ZNF345: variants seen among roughly 807,000 people sequenced by gnomAD.
The protein encoded by ZNF345 is zinc finger protein 345.
For synonymous variants in ZNF345, 166 were observed against 187.9 expected (o/e 0.88, Z 0.95); for missense variants, 527 against 589.9 (o/e 0.89, Z 1.10).
At chr19:36,853,454 G>A (rs2072334757) in intron 2 of ZNF345, among the ~76,000 whole-genome samples, 1 of 151,922 alleles carries the variant, frequency 6.6e-6, no homozygotes, top group Non-Finnish European at 1.5e-5. Flanking sequence ...CTCCATGTTG[G>A]TCAGGCTGGC....
intron 2 of ZNF345, among the ~76,000 whole-genome samples, chr19:36,855,300 G>A (rs1415628769): frequency 4.6e-5 from 7 of 151,324 alleles, no homozygotes; most frequent in Non-Finnish European, 4.4e-5. Flanking sequence ...CCGCCACCAC[G>A]CCCAGCTAAT....
chr19:36,891,821 A>G, intron 3 of ZNF345: 1 of 1,614,134 alleles, frequency 6.2e-7, no homozygotes, highest in Non-Finnish European at 8.5e-7. Flanking sequence ...TTACATTCAT[A>G]AGGTTTCTCA....
At chr19:36,863,064 T>C (rs1264290874) in intron 2 of ZNF345, 3 of 152,230 alleles carry the variant, frequency 2.0e-5, no homozygotes, top group African/African-American at 7.2e-5. Context: ...CTTGGACTGA[T>C]GTCCATAACT....
At chr19:36,875,361 A>C (rs1044674798) in intron 2 of ZNF345, among the ~76,000 whole-genome samples, 1 of 152,186 alleles carries the variant, frequency 6.6e-6, no homozygotes, top group Admixed American at 6.5e-5. Flanking sequence ...TGCAAGGCCA[A>C]GAGTAGGGGC....
chr19:36,869,918 C>T (rs965021155), intron 2 of ZNF345, among the ~76,000 whole-genome samples: 9 of 152,054 alleles, frequency 5.9e-5, no homozygotes, highest in South Asian at 2.1e-4. Context: ...CATGCCACCA[C>T]GCCTGGTGTG....
chr19:36,892,691 A>G, intron 3 of ZNF345: 1 of 616,346 alleles, frequency 1.6e-6, no homozygotes, highest in Non-Finnish European at 2.7e-6. Flanking sequence ...GACCTCTATG[A>G]TCCTCAAATT....
chr19:36,892,527 C>A, intron 3 of ZNF345: 3 of 1,477,802 alleles, frequency 2.0e-6, no homozygotes, highest in Non-Finnish European at 2.7e-6. Context: ...GTTAAAACTT[C>A]TAAAAAAGAA....
chr19:36,865,773 G>A (rs1426132072), intron 2 of ZNF345, among the ~76,000 whole-genome samples: 1 of 152,144 alleles, frequency 6.6e-6, no homozygotes, highest in Non-Finnish European at 1.5e-5. Context: ...TTACGGACAT[G>A]CACATATTTG....
Position 36,878,697 on chromosome 19 carries a change from CT to C in ZNF345, c.*407del, listed in dbSNP as rs1301708678. ...TATTTATTGCAAGTCTAAATTTATC[CT>C]TTTTTTCTTTCCTGATTATCCTAAC... On this transcript the variant is annotated 3_prime_UTR_variant, in exon 3 of 3. Coordinates refer to ENST00000420450, the MANE Select transcript of ZNF345 (RefSeq NM_001242472.2). 1.2e-5 allele frequency: 2 copies of C among 169,880 alleles called. No individual in the cohort carries two copies. Among genetic ancestry groups the C allele is most frequent in the Admixed American group, 6.5e-5 (1 of 15,468 alleles). The allele number at this position is 169,880 out of a possible 1,614,324, so 10.5% of individuals were successfully genotyped here. A position where few individuals can be genotyped will look rare whatever the true frequency, so the allele number is the denominator to read the frequency against.
rs1205731419 is a variant in ZNF345, at chr19:36,877,172, T to C, written c.342T>C (p.Gly114=). The C allele has an allele frequency of 2.5e-6, 4 of 1,613,974 alleles. No individual in the cohort carries two copies. The African/African-American group carries it at 5.3e-5, about 22-fold the overall frequency. ...CTTACCATCAAAGAATTCATACTGG[T>C]GAGAAGCCTTTTGAATGTAAAGAAT... is the stretch of plus-strand genomic sequence containing the variant. ...NLAYHQRIHT[G]EKPFECKECG... is the part of the protein sequence containing the mutation. The change falls in exon 3 of 3, where the codon GGT becomes GGC. Residue 114 remains glycine, a synonymous_variant. Transcript: ENST00000420450.
chr19:36,874,880 C>T (rs763650275), intron 2 of ZNF345, among the ~76,000 whole-genome samples: 20 of 152,178 alleles, frequency 1.3e-4, no homozygotes, highest in Non-Finnish European at 2.2e-4. Context: ...AATTCCTTTT[C>T]ATTCCTTTTA....
At chr19:36,892,806 C>T in intron 3 of ZNF345, 1 of 686,626 alleles carries the variant, frequency 1.5e-6, no homozygotes, top group Non-Finnish European at 2.1e-6. Flanking sequence ...ATTTTTTTTG[C>T]CCCCACCCCA....
intron 3 of ZNF345, chr19:36,889,450 T>C (rs1233708411): frequency 6.6e-6 from 1 of 152,196 alleles, no homozygotes; most frequent in African/African-American, 2.4e-5. Context: ...AAGATTTTTT[T>C]CTATTACTGA....
intron 2 of ZNF345, among the ~76,000 whole-genome samples, chr19:36,873,536 A>G (rs1478276275): frequency 1.3e-5 from 2 of 152,188 alleles, no homozygotes; most frequent in East Asian, 1.9e-4. Flanking sequence ...CTCAAATACA[A>G]TACAATGTCA....
At position 36,878,278 on chromosome 19, in the gene ZNF345, A is replaced by C. The variant is rs768628748; in HGVS notation, c.1448A>C (p.Glu483Ala). 11 of 1,572,698 alleles carry C rather than the reference A, an allele frequency of 7.0e-6. No individual in the cohort carries two copies. The highest frequency in any genetic ancestry group is 9.5e-6 in the Non-Finnish European group (11 of 1,163,232). ...KKSHNGKKLCELETIN is the reference protein window; with the variant it reads ...KKSHNGKKLCALETIN ...AGTCATAATGGTAAGAAACTCTGCG[A>C]ATTGGAAACTATAAATTGAAATTAT... Residue 483 changes from glutamate (E) to alanine (A), a missense_variant, in exon 3 of 3, where the codon GAA (glutamate) becomes GCA (alanine). Coordinates refer to ENST00000420450, the MANE Select transcript of ZNF345 (RefSeq NM_001242472.2).
intron 2 of ZNF345, among the ~76,000 whole-genome samples, chr19:36,871,410 T>C (rs894144213): frequency 2.0e-5 from 3 of 152,322 alleles, no homozygotes; most frequent in African/African-American, 7.2e-5. Context: ...TTTATCTTTA[T>C]TAATACACAC....
At chr19:36,885,278 T>C (rs1203888060) in intron 3 of ZNF345, among the ~76,000 whole-genome samples, 1 of 151,884 alleles carries the variant, frequency 6.6e-6, no homozygotes, top group Non-Finnish European at 1.5e-5. Context: ...TGAATACCTT[T>C]TCATATGCTT....
chr19:36,865,683 A>G (rs1220374765), intron 2 of ZNF345, among the ~76,000 whole-genome samples: 1 of 152,174 alleles, frequency 6.6e-6, no homozygotes, highest in Non-Finnish European at 1.5e-5. Flanking sequence ...GAATTTTTCC[A>G]TATAGGCAAT....
At chr19:36,874,209 G>C (rs1222898193) in intron 2 of ZNF345, among the ~76,000 whole-genome samples, 1 of 152,114 alleles carries the variant, frequency 6.6e-6, no homozygotes, top group Non-Finnish European at 1.5e-5. Context: ...AACTTAAAAT[G>C]TTGGCTGGGC....
Sources: allele counts gnomAD v4.1 joint callset (sites outside exome capture counted in the v4.1 genomes callset), GRCh38; gene constraint gnomAD v4.1.1; transcripts MANE v1.5; gene names NCBI Gene and HGNC (gene_info 2026-07-23, HGNC 2026-07-21).